MATCAP2: variants seen among roughly 807,000 people sequenced by gnomAD.
The protein encoded by MATCAP2 is microtubule associated tyrosine carboxypeptidase 2.
chr7:36,375,606 A>G, the MATCAP2 span, among the ~76,000 whole-genome samples: 1 of 152,310 alleles, frequency 6.6e-6, no homozygotes, highest in Admixed American at 6.5e-5. Flanking sequence ...GCCTCAAAAA[A>G]TGAGTTAGGG....
chr7:36,385,815 A>AATAAAATAAAATAAT, the MATCAP2 span, among the ~76,000 whole-genome samples: 2 of 147,684 alleles, frequency 1.4e-5, no homozygotes, highest in South Asian at 4.2e-4. Context: ...AATAAAATAA[A>AATAAAATAAAATAAT]ATAAAATAAA....
the MATCAP2 span, among the ~76,000 whole-genome samples, chr7:36,363,395 T>G: frequency 6.6e-6 from 1 of 152,248 alleles, no homozygotes; most frequent in Non-Finnish European, 1.5e-5. Context: ...TCTCACAGCA[T>G]TTTGTTAATG....
At chr7:36,390,202 G>A in the MATCAP2 span, 3 of 1,231,124 alleles carry the variant, frequency 2.4e-6, no homozygotes, top group Admixed American at 2.3e-5. Context: ...GCTGCGGCCT[G>A]CTGTGGTTGG....
the MATCAP2 span, among the ~76,000 whole-genome samples, chr7:36,376,968 A>G: frequency 6.6e-6 from 1 of 151,738 alleles, no homozygotes; most frequent in Non-Finnish European, 1.5e-5. Context: ...ATCTTCCTCC[A>G]TCCTTTATTT....
At chr7:36,330,620 TAAC>T in the MATCAP2 span, among the ~76,000 whole-genome samples, 1 of 151,800 alleles carries the variant, frequency 6.6e-6, no homozygotes, top group Non-Finnish European at 1.5e-5. Flanking sequence ...TTTTTATTAT[TAAC>T]AAAATCATGT....
the MATCAP2 span, among the ~76,000 whole-genome samples, chr7:36,379,839 C>CAGAGAGAGAGAG: frequency 2.1e-4 from 27 of 131,594 alleles, no homozygotes; most frequent in East Asian, 1.5e-3. Context: ...CACACACACA[C>CAGAGAGAGAGAG]ACACACACAG....
chr7:36,367,167 G>T, the MATCAP2 span: 103 of 1,207,678 alleles, frequency 8.5e-5, no homozygotes, highest in Non-Finnish European at 9.6e-5. Context: ...AGGTACACAC[G>T]GCGGCCTTAC....
At chr7:36,352,785 T>C in the MATCAP2 span, among the ~76,000 whole-genome samples, 7 of 150,838 alleles carry the variant, frequency 4.6e-5, no homozygotes, top group Admixed American at 1.3e-4. Flanking sequence ...TGAGTGGAGA[T>C]TGCCACTCTA....
At chr7:36,359,248 G>A in the MATCAP2 span, among the ~76,000 whole-genome samples, 1 of 152,208 alleles carries the variant, frequency 6.6e-6, no homozygotes, top group Non-Finnish European at 1.5e-5. Flanking sequence ...TGTCACAACT[G>A]GGGAGAGGGT....
chr7:36,342,574 T>C, the MATCAP2 span, among the ~76,000 whole-genome samples: 45,295 of 152,030 alleles, frequency 0.3, 7,464 homozygotes, highest in South Asian at 0.5. Context: ...TATGCCTGTC[T>C]TCAGACCAGT....
the MATCAP2 span, among the ~76,000 whole-genome samples, chr7:36,341,509 C>G: frequency 5.3e-5 from 8 of 152,150 alleles, no homozygotes; most frequent in Non-Finnish European, 5.9e-5. Flanking sequence ...TTTTGAAATC[C>G]TAACCCCCAA....
At chr7:36,373,103 TAAAAAAAAAA>T in the MATCAP2 span, among the ~76,000 whole-genome samples, 1 of 116,192 alleles carries the variant, frequency 8.6e-6, no homozygotes, top group Non-Finnish European at 1.8e-5. Flanking sequence ...AGACTTCATC[TAAAAAAAAAA>T]AAAAAAAAAA....
chr7:36,364,038 T>C, the MATCAP2 span, among the ~76,000 whole-genome samples: 1 of 151,140 alleles, frequency 6.6e-6, no homozygotes, highest in African/African-American at 2.4e-5. Flanking sequence ...TTTGGTATAA[T>C]AAACCCTTTT....
At chr7:36,359,617 A>G in the MATCAP2 span, among the ~76,000 whole-genome samples, 1 of 152,248 alleles carries the variant, frequency 6.6e-6, no homozygotes, top group African/African-American at 2.4e-5. Flanking sequence ...GAGCTAGATC[A>G]CATAGGGTCA....
the MATCAP2 span, among the ~76,000 whole-genome samples, chr7:36,367,577 C>T: frequency 6.6e-6 from 1 of 152,190 alleles, no homozygotes; most frequent in African/African-American, 2.4e-5. Flanking sequence ...GAAGCTAAAA[C>T]ACGTTTAGGA....
At chr7:36,373,582 G>A in the MATCAP2 span, among the ~76,000 whole-genome samples, 1 of 152,104 alleles carries the variant, frequency 6.6e-6, no homozygotes, top group African/African-American at 2.4e-5. Context: ...CAGGGGCCAG[G>A]GAAGGGAGTT....
the MATCAP2 span, chr7:36,336,021 G>A: frequency 6.3e-4 from 340 of 542,796 alleles, no homozygotes; most frequent in East Asian, 5.6e-3. Flanking sequence ...GCAGTGAGCC[G>A]AGATTCACCA....
At chr7:36,346,307 A>T in the MATCAP2 span, among the ~76,000 whole-genome samples, 1 of 152,240 alleles carries the variant, frequency 6.6e-6, no homozygotes, top group Admixed American at 6.5e-5. Context: ...ATAACTGAAA[A>T]CATTTGTCCA....
chr7:36,367,312 C>T, the MATCAP2 span: 2 of 1,008,758 alleles, frequency 2.0e-6, no homozygotes, highest in Non-Finnish European at 2.4e-6. Flanking sequence ...GCGACGAAGG[C>T]CCGCGGGCGG....
Sources: gnomAD v4.1 joint callset for allele counts (sites outside exome capture counted in the v4.1 genomes callset) on GRCh38, gnomAD v4.1.1 for gene constraint, MANE v1.5 for transcripts, NCBI Gene and HGNC (gene_info 2026-07-23, HGNC 2026-07-21) for gene names.